Variants in COMMD10 observed in about 807,000 individuals in gnomAD.
COMMD10 encodes COMM domain containing 10.
COMMD10 carries 33 observed loss-of-function variants against 28.9 expected under a neutral mutation model. The ratio of observed to expected loss-of-function variants is 1.14; its 90% CI spans 0.87 to 1.53. The LOEUF is 1.53. Ranked by LOEUF, COMMD10 falls within the 40% of genes most tolerant of loss-of-function variation. The probability of loss-of-function intolerance (pLI) is 0.00; values close to 1 mark genes in which losing one functional copy is unlikely to be tolerated. For synonymous variants in COMMD10, 110 were observed against 81.7 expected (o/e 1.35, Z -1.87); for missense variants, 310 against 233.4 (o/e 1.33, Z -2.14).
intron 5 of COMMD10, among the ~76,000 whole-genome samples, chr5:116,208,865 C>T (rs888890826): frequency 1.3e-5 from 2 of 152,192 alleles, no homozygotes. Flanking sequence ...AACTTTTACA[C>T]AGTTACTGCT....
intron 4 of COMMD10, among the ~76,000 whole-genome samples, chr5:116,127,719 T>A (rs1181008969): frequency 6.6e-6 from 1 of 152,042 alleles, no homozygotes; most frequent in Non-Finnish European, 1.5e-5. Context: ...AGGTGGGAGT[T>A]GAACAATGAG....
chr5:116,167,514 G>T (rs1026589257), intron 5 of COMMD10, among the ~76,000 whole-genome samples: 26 of 152,078 alleles, frequency 1.7e-4, no homozygotes, highest in African/African-American at 6.3e-4. Context: ...GATACTCCTC[G>T]AGAAGAGCAA....
At chr5:116,259,731 G>A (rs1160585968) in intron 5 of COMMD10, among the ~76,000 whole-genome samples, 2 of 151,762 alleles carry the variant, frequency 1.3e-5, no homozygotes, top group Non-Finnish European at 2.9e-5. Flanking sequence ...GGTATTCCCG[G>A]TTGTAGAAGT....
At chr5:116,113,473 A>T (rs1017305071) in intron 4 of COMMD10, among the ~76,000 whole-genome samples, 1 of 151,072 alleles carries the variant, frequency 6.6e-6, no homozygotes, top group African/African-American at 2.4e-5. Flanking sequence ...AAACACTTGG[A>T]AAGCTTTGTT....
At chr5:116,279,762 G>C (rs10519452) in intron 5 of COMMD10, among the ~76,000 whole-genome samples, 8,188 of 151,864 alleles carry the variant, frequency 0.054, 318 homozygotes, top group East Asian at 0.14. Flanking sequence ...GGTCTAATTG[G>C]TGTAACAGAT....
chr5:116,088,162 A>G (rs1248317899), intron 2 of COMMD10, among the ~76,000 whole-genome samples: 5 of 152,182 alleles, frequency 3.3e-5, no homozygotes, highest in Admixed American at 6.6e-5. Flanking sequence ...ATTCCATCTC[A>G]TATTTATGGA....
intron 5 of COMMD10, among the ~76,000 whole-genome samples, chr5:116,258,654 A>G (rs1450535729): frequency 6.6e-6 from 1 of 151,784 alleles, no homozygotes; most frequent in African/African-American, 2.4e-5. Context: ...GATATTGCTA[A>G]AAAGATTTCT....
intron 5 of COMMD10, among the ~76,000 whole-genome samples, chr5:116,153,792 G>C (rs1752614730): frequency 6.6e-6 from 1 of 151,994 alleles, no homozygotes; most frequent in African/African-American, 2.4e-5. Context: ...ATTTTGTTTT[G>C]ATAGCCATGA....
At chr5:116,150,184 T>C (rs1465192448) in intron 5 of COMMD10, among the ~76,000 whole-genome samples, 1 of 152,202 alleles carries the variant, frequency 6.6e-6, no homozygotes, top group East Asian at 1.9e-4. Context: ...CAGTGTTACT[T>C]CTGAGGGCTC....
At chr5:116,126,930 C>A (rs1313126270) in intron 4 of COMMD10, among the ~76,000 whole-genome samples, 3 of 152,166 alleles carry the variant, frequency 2.0e-5, no homozygotes, top group Non-Finnish European at 4.4e-5. Context: ...CTGATGGGAT[C>A]TAATTAAACT....
chr5:116,231,513 T>G (rs1010601428), intron 5 of COMMD10, among the ~76,000 whole-genome samples: 1 of 152,094 alleles, frequency 6.6e-6, no homozygotes, highest in Non-Finnish European at 1.5e-5. Flanking sequence ...TTGTAGTAAC[T>G]CATTGAGCTG....
At chr5:116,241,417 A>C (rs999318102) in intron 5 of COMMD10, among the ~76,000 whole-genome samples, 1 of 152,056 alleles carries the variant, frequency 6.6e-6, no homozygotes, top group African/African-American at 2.4e-5. Context: ...GCCACCATAA[A>C]ATCTGCATAC....
intron 5 of COMMD10, among the ~76,000 whole-genome samples, chr5:116,242,111 A>G (rs1193657499): frequency 1.3e-5 from 2 of 152,322 alleles, no homozygotes; most frequent in Middle Eastern, 3.4e-3. Context: ...AACAGCTATG[A>G]AGGTGAATGC....
At chr5:116,227,815 G>C (rs1749435352) in intron 5 of COMMD10, among the ~76,000 whole-genome samples, 2 of 152,050 alleles carry the variant, frequency 1.3e-5, no homozygotes, top group Admixed American at 6.6e-5. Context: ...CAAGTAGAAG[G>C]AATTAGTTCT....
At chr5:116,228,653 A>G (rs141318548) in intron 5 of COMMD10, among the ~76,000 whole-genome samples, 20 of 152,094 alleles carry the variant, frequency 1.3e-4, no homozygotes, top group Admixed American at 5.2e-4. Flanking sequence ...GTGGTTGCAT[A>G]AATTGTGTTT....
intron 1 of COMMD10, among the ~76,000 whole-genome samples, chr5:116,086,613 C>G (rs1021886551): frequency 6.6e-6 from 1 of 152,152 alleles, no homozygotes; most frequent in Non-Finnish European, 1.5e-5. Context: ...CACCCGCCAC[C>G]ACGCCCAGCT....
intron 5 of COMMD10, among the ~76,000 whole-genome samples, chr5:116,251,712 G>A (rs1580583984): frequency 6.6e-6 from 1 of 150,868 alleles, no homozygotes. Flanking sequence ...ATTTGGGTTG[G>A]TTCCAAGTCT....
chr5:116,266,931 T>C (rs986254688), intron 5 of COMMD10, among the ~76,000 whole-genome samples: 2 of 151,924 alleles, frequency 1.3e-5, no homozygotes, highest in African/African-American at 4.9e-5. Context: ...AAATTAGGTA[T>C]TGATGGGATA....
intron 5 of COMMD10, among the ~76,000 whole-genome samples, chr5:116,189,052 T>G (rs1385296103): frequency 6.6e-6 from 1 of 152,198 alleles, no homozygotes; most frequent in Non-Finnish European, 1.5e-5. Flanking sequence ...GATGGCTCAT[T>G]GTATGTTAGG....
Sources: gnomAD v4.1 joint callset for allele counts (sites outside exome capture counted in the v4.1 genomes callset) on GRCh38, gnomAD v4.1.1 for gene constraint, MANE v1.5 for transcripts, NCBI Gene and HGNC (gene_info 2026-07-23, HGNC 2026-07-21) for gene names.